Variants in KLRG1 observed in about 807,000 individuals in gnomAD.
The protein encoded by KLRG1 is killer cell lectin like receptor G1, also known as killer cell lectin-like receptor subfamily G member 1.
Under a neutral mutation model 21.8 loss-of-function variants are expected in KLRG1, and 16 were observed. That is an observed-to-expected ratio of 0.73 (90% CI 0.50 to 1.11). The LOEUF (loss-of-function observed/expected upper bound fraction) is 1.11. Ranked by LOEUF, KLRG1 falls within the 50% of genes most tolerant of loss-of-function variation. The probability of loss-of-function intolerance (pLI) is 0.00; values close to 1 mark genes in which losing one functional copy is unlikely to be tolerated. For missense variants in KLRG1, 173 were observed against 218.3 expected, an observed-to-expected ratio of 0.79 and a Z score of 1.31; for synonymous variants, 69 against 75.9, an observed-to-expected ratio of 0.91 and a Z score of 0.47.
At chr12:9,202,645 T>C in the KLRG1 span, 2 of 1,614,026 alleles carry the variant, frequency 1.2e-6, no homozygotes, top group South Asian at 2.2e-5. Flanking sequence ...ATCTGGATGC[T>C]AAGGAATGCC....
chr12:9,043,335 C>T, the KLRG1 span, among the ~76,000 whole-genome samples: 4 of 152,152 alleles, frequency 2.6e-5, no homozygotes, highest in Non-Finnish European at 4.4e-5. Context: ...GCCTTGGGCT[C>T]CCAAAGTGTT....
the KLRG1 span, among the ~76,000 whole-genome samples, chr12:9,156,901 ATTATTTATCTAT>A: frequency 6.6e-6 from 1 of 151,824 alleles, no homozygotes; most frequent in Admixed American, 6.6e-5. Context: ...AAAAACTTTT[ATTATTTATCTAT>A]TTATTTATTT....
the KLRG1 span, chr12:9,067,763 T>C: frequency 6.5e-7 from 1 of 1,535,060 alleles, no homozygotes; most frequent in Non-Finnish European, 9.0e-7. Flanking sequence ...CAAAAACACG[T>C]GTCTTCTGTG....
At chr12:9,109,049 T>C in the KLRG1 span, among the ~76,000 whole-genome samples, 5 of 152,168 alleles carry the variant, frequency 3.3e-5, no homozygotes, top group South Asian at 6.2e-4. Flanking sequence ...TGTGTGTGTG[T>C]GTGCAGTTTT....
chr12:9,108,775 C>T, the KLRG1 span, among the ~76,000 whole-genome samples: 10 of 152,028 alleles, frequency 6.6e-5, no homozygotes, highest in East Asian at 3.9e-4. Flanking sequence ...TCAGTCTCTT[C>T]GTAAAAATGT....
chr12:8,994,396 C>T (rs928534643), intron 2 of KLRG1, among the ~76,000 whole-genome samples: 1 of 152,146 alleles, frequency 6.6e-6, no homozygotes, highest in Non-Finnish European at 1.5e-5. Flanking sequence ...GAACTATGAA[C>T]CAACCATTTT....
chr12:9,036,015 G>A, the KLRG1 span, among the ~76,000 whole-genome samples: 1 of 152,152 alleles, frequency 6.6e-6, no homozygotes, highest in Non-Finnish European at 1.5e-5. Flanking sequence ...GGGAGAGAGT[G>A]AGGATGGAAA....
intron 3 of KLRG1, among the ~76,000 whole-genome samples, chr12:9,006,911 A>G (rs757089909): frequency 2.0e-5 from 3 of 152,210 alleles, no homozygotes; most frequent in African/African-American, 4.8e-5. Context: ...GCCATACTGT[A>G]TATTCAGTAT....
At chr12:9,176,525 A>G in the KLRG1 span, among the ~76,000 whole-genome samples, 1 of 152,252 alleles carries the variant, frequency 6.6e-6, no homozygotes, top group Non-Finnish European at 1.5e-5. Context: ...AAAGAACCAC[A>G]TAGGCACATA....
chr12:9,040,910 T>C, the KLRG1 span, among the ~76,000 whole-genome samples: 1 of 152,200 alleles, frequency 6.6e-6, no homozygotes, highest in African/African-American at 2.4e-5. Flanking sequence ...GACAACTAAG[T>C]TTATGCATGA....
At chr12:8,977,690 G>C (rs1946681039) in intron 1 of KLRG1, among the ~76,000 whole-genome samples, 1 of 151,624 alleles carries the variant, frequency 6.6e-6, no homozygotes, top group South Asian at 2.1e-4. Flanking sequence ...TTTATTTGAT[G>C]ATTTTTATAG....
At chr12:9,172,371 C>G in the KLRG1 span, among the ~76,000 whole-genome samples, 1 of 152,172 alleles carries the variant, frequency 6.6e-6, no homozygotes, top group African/African-American at 2.4e-5. Context: ...AAGACCATTA[C>G]CAGCCACTAC....
At chr12:9,081,555 A>C in the KLRG1 span, among the ~76,000 whole-genome samples, 1 of 152,226 alleles carries the variant, frequency 6.6e-6, no homozygotes. Context: ...ACTTGGAAAC[A>C]AGTCTAGGAC....
At chr12:9,027,541 C>T in the KLRG1 span, 1 of 1,144,748 alleles carries the variant, frequency 8.7e-7, no homozygotes, top group Non-Finnish European at 1.3e-6. Context: ...AATCTTCTGC[C>T]ACTGCCATAG....
chr12:9,152,766 C>A, the KLRG1 span: 1 of 1,557,676 alleles, frequency 6.4e-7, no homozygotes, highest in Non-Finnish European at 8.7e-7. Flanking sequence ...CTATTAATTT[C>A]TGTTAATTCC....
the KLRG1 span, among the ~76,000 whole-genome samples, chr12:9,172,839 T>C: frequency 1.3e-5 from 2 of 152,094 alleles, no homozygotes; most frequent in Non-Finnish European, 2.9e-5. Flanking sequence ...AGTTCTTATA[T>C]ACCTACAAAG....
the KLRG1 span, among the ~76,000 whole-genome samples, chr12:9,168,104 T>C: frequency 6.6e-6 from 1 of 152,226 alleles, no homozygotes; most frequent in Non-Finnish European, 1.5e-5. Context: ...ATCAAAGTTC[T>C]TAATTTGTGT....
At chr12:9,104,225 C>A in the KLRG1 span, 1 of 1,601,840 alleles carries the variant, frequency 6.2e-7, no homozygotes, top group Non-Finnish European at 8.5e-7. Context: ...TTGGTAATTT[C>A]TTTCCAAACT....
intron 1 of KLRG1, among the ~76,000 whole-genome samples, chr12:8,969,744 A>G (rs1946537047): frequency 6.6e-6 from 1 of 152,188 alleles, no homozygotes; most frequent in South Asian, 2.1e-4. Flanking sequence ...TGTTGACAAA[A>G]TGACTAGAGG....
Sources: gnomAD v4.1 joint callset for allele counts (sites outside exome capture counted in the v4.1 genomes callset) on GRCh38, gnomAD v4.1.1 for gene constraint, MANE v1.5 for transcripts, NCBI Gene and HGNC (gene_info 2026-07-23, HGNC 2026-07-21) for gene names.